The following NCAM2 variants were observed in gnomAD, a reference collection of about 807,000 sequenced individuals.
The protein encoded by NCAM2 is N-CAM-2.
NCAM2 carries 30 observed loss-of-function variants against 98.1 expected under a neutral mutation model. The ratio of observed to expected loss-of-function variants is 0.31; its 90% CI spans 0.23 to 0.41. The LOEUF is 0.41. NCAM2 is among the 10% of genes least tolerant of loss of function. The probability of loss-of-function intolerance (pLI) is 1.00; values close to 1 mark genes in which losing one functional copy is unlikely to be tolerated. For synonymous variants in NCAM2, 368 were observed against 342.4 expected (o/e 1.07, Z -0.83); for missense variants, 867 against 1,005.8 (o/e 0.86, Z 1.87).
chr21:21,097,380 A>G lies in NCAM2; in HGVS notation c.55+98762A>G, dbSNP rs146284841. The stretch of plus-strand genomic sequence containing the variant: ...TGGGAAGCAGGTATTATTTCACTAA[A>G]CAGTGGAAACGAGTTTCATGCATTT... On this transcript the variant is annotated intron_variant, in intron 1 of 17. Transcript: ENST00000400546. 3.3e-3 allele frequency among the ~76,000 whole-genome samples: 507 copies of G among 151,878 alleles called. 1 individual carries two copies. Among genetic ancestry groups the G allele is most frequent in the Middle Eastern group, 0.01 (3 of 294 alleles).
chr21:21,418,536 A>G lies in NCAM2; in HGVS notation c.1447A>G (p.Thr483Ala), dbSNP rs2077041278. 4 of 1,612,040 alleles carry G rather than the reference A, an allele frequency of 2.5e-6. No homozygotes were observed. The highest frequency in any genetic ancestry group is 1.3e-5 in the African/African-American group (1 of 75,002). Residue 483 changes from threonine to alanine, a missense_variant, in exon 11 of 18, where the codon ACA becomes GCA. Physicochemically the swap from Thr to Ala is moderately conservative, Grantham distance 58. Transcript: ENST00000400546. ...YNCTATNHIGTRFQEYILALA... is the reference protein window; with the variant it reads ...YNCTATNHIGARFQEYILALA... Reference sequence around the variant, plus strand: ...TTGCACAGCCACTAATCATATAGGAACAAGATTTCAAGAATATATTCTTGC... The same window carrying G: ...TTGCACAGCCACTAATCATATAGGAGCAAGATTTCAAGAATATATTCTTGC...
chr21:21,170,532 C>A (rs1409522533), intron 1 of NCAM2, among the ~76,000 whole-genome samples: 2 of 152,088 alleles, frequency 1.3e-5, no homozygotes, highest in African/African-American at 2.4e-5. Flanking sequence ...ACTCTGGAGA[C>A]AGCAAAATGA....
At chr21:21,183,115 A>C (rs1216047057) in intron 1 of NCAM2, among the ~76,000 whole-genome samples, 1 of 152,136 alleles carries the variant, frequency 6.6e-6, no homozygotes, top group Non-Finnish European at 1.5e-5. Flanking sequence ...AAGTTACTAA[A>C]TCTTAGGCAT....
In NCAM2 at chr21:21,083,194, A is replaced by G. The variant is rs77105289; in HGVS notation, c.55+84576A>G. ...TATTCCCAGCTTCTTAACGTGGTACATGGAACCTGGTCTGTGCCTGATATT... is the reference window on the plus strand; with the variant it reads ...TATTCCCAGCTTCTTAACGTGGTACGTGGAACCTGGTCTGTGCCTGATATT... On this transcript the variant is annotated intron_variant, in intron 1 of 17. Coordinates refer to ENST00000400546, the MANE Select transcript of NCAM2 (RefSeq NM_004540.5). Among the ~76,000 whole-genome samples the G allele has an allele frequency of 4.6e-5, 7 of 152,176 alleles. No homozygotes were observed. The South Asian group carries it at 1.5e-3, about 32-fold the overall frequency.
chr21:21,267,482 T>C (rs748774834), intron 1 of NCAM2, among the ~76,000 whole-genome samples: 45 of 152,182 alleles, frequency 3.0e-4, no homozygotes, highest in Non-Finnish European at 6.0e-4. Context: ...ATCTTAAGCA[T>C]GTCAGTCAAC....
At chr21:21,023,689 G>A (rs983623145) in intron 1 of NCAM2, among the ~76,000 whole-genome samples, 1 of 151,970 alleles carries the variant, frequency 6.6e-6, no homozygotes. Flanking sequence ...AAACAGCCTG[G>A]AGCTTAGTGG....
At chr21:21,351,600 T>C (rs2075341937) in intron 8 of NCAM2, among the ~76,000 whole-genome samples, 1 of 152,210 alleles carries the variant, frequency 6.6e-6, no homozygotes, top group African/African-American at 2.4e-5. Context: ...AAACCATGCT[T>C]TTTTTCAAAG....
chr21:21,271,485 G>T (rs2072496373), intron 1 of NCAM2, among the ~76,000 whole-genome samples: 1 of 152,128 alleles, frequency 6.6e-6, no homozygotes, highest in Non-Finnish European at 1.5e-5. Context: ...TTTGTGTAGG[G>T]TAATATCATG....
At chr21:21,133,511 CAAATGGGAAAAGACCTGT>C (rs912484246) in intron 1 of NCAM2, among the ~76,000 whole-genome samples, 7 of 152,146 alleles carry the variant, frequency 4.6e-5, no homozygotes, top group African/African-American at 1.7e-4. Flanking sequence ...AGAGGAGTAC[CAAATGGGAAAAGACCTGT>C]AAATATATGG....
At chr21:21,034,605 A>G (rs1014172584) in intron 1 of NCAM2, among the ~76,000 whole-genome samples, 1 of 152,164 alleles carries the variant, frequency 6.6e-6, no homozygotes, top group Non-Finnish European at 1.5e-5. Context: ...TGGAAGAAAA[A>G]TTTCAACTAC....
At chr21:21,300,130 T>C (rs571519432) in intron 5 of NCAM2, among the ~76,000 whole-genome samples, 4 of 149,834 alleles carry the variant, frequency 2.7e-5, no homozygotes, top group East Asian at 4.0e-4. Context: ...TACAGAGGGC[T>C]GACTGTATAG....
rs181166693 is a variant in NCAM2, at chr21:21,151,790, T to G, written c.56-128788T>G. ...ACATGCTTATGTTTTTAAATCTGTT[T>G]CCATTCTTTTCTTGTTTGCATTATT... is the stretch of plus-strand genomic sequence containing the variant. On this transcript the variant is annotated intron_variant, in intron 1 of 17. Coordinates refer to ENST00000400546, the MANE Select transcript of NCAM2 (RefSeq NM_004540.5). Among the ~76,000 whole-genome samples the G allele has an allele frequency of 9.2e-5, 14 of 152,184 alleles. No homozygotes were observed. In the East Asian group the frequency reaches 2.5e-3, roughly 27 times the overall value.
chr21:21,270,550 T>A (rs186125766), intron 1 of NCAM2, among the ~76,000 whole-genome samples: 1 of 152,344 alleles, frequency 6.6e-6, no homozygotes, highest in East Asian at 1.9e-4. Flanking sequence ...TAGGTATTTC[T>A]ATGCAATAAT....
At chr21:21,396,136 A>G (rs992070398) in intron 9 of NCAM2, among the ~76,000 whole-genome samples, 4 of 150,990 alleles carry the variant, frequency 2.6e-5, no homozygotes, top group African/African-American at 9.8e-5. Flanking sequence ...AATATCAAGA[A>G]TCTACAAGGA....
chr21:21,275,063 ATTAAT>A (rs1260964278), intron 1 of NCAM2, among the ~76,000 whole-genome samples: 2 of 152,158 alleles, frequency 1.3e-5, no homozygotes, highest in Non-Finnish European at 2.9e-5. Context: ...ACTTATAAAT[ATTAAT>A]TTAATCTCTG....
rs2074016705 is a variant in NCAM2 at position 21,310,609 on chromosome 21, T to A, written c.620-13774T>A. 2.6e-5 allele frequency among the ~76,000 whole-genome samples: 4 copies of A among 152,342 alleles called. No individual in the cohort carries two copies. The South Asian group carries it at 6.2e-4, about 24-fold the overall frequency. ...AGAGTATCAGCTTATTGAATCTGAT[T>A]GTAACTGTTACAAAACACAATGACA... is the stretch of plus-strand genomic sequence containing the variant. On this transcript the variant is annotated intron_variant, in intron 5 of 17. Transcript: ENST00000400546.
intron 1 of NCAM2, among the ~76,000 whole-genome samples, chr21:21,210,963 C>T (rs2069630864): frequency 7.9e-6 from 1 of 127,054 alleles, no homozygotes; most frequent in Non-Finnish European, 1.6e-5. Context: ...TAATACTCTC[C>T]CCAAACACAC....
intron 1 of NCAM2, among the ~76,000 whole-genome samples, chr21:21,179,434 A>C (rs1246968016): frequency 2.6e-5 from 4 of 152,068 alleles, no homozygotes; most frequent in Non-Finnish European, 5.9e-5. Context: ...CCCCTCATAT[A>C]CTGTTTTGCC....
At chr21:21,116,450 G>T in intron 1 of NCAM2, among the ~76,000 whole-genome samples, 1 of 152,098 alleles carries the variant, frequency 6.6e-6, no homozygotes, top group East Asian at 1.9e-4. Flanking sequence ...TATGGCTGAC[G>T]AAGTGTCTTT....
Sources: gnomAD v4.1 joint callset for allele counts (sites outside exome capture counted in the v4.1 genomes callset) on GRCh38, gnomAD v4.1.1 for gene constraint, MANE v1.5 for transcripts, NCBI Gene and HGNC (gene_info 2026-07-23, HGNC 2026-07-21) for gene names.